The following LPAR1 variants were observed in gnomAD, a reference collection of about 807,000 sequenced individuals.
The protein encoded by LPAR1 is lysophosphatidic acid receptor 1, also known as LPA receptor 1.
Under a neutral mutation model 23.8 loss-of-function variants are expected in LPAR1, and 5 were observed. That is an observed-to-expected ratio of 0.21 (90% CI 0.11 to 0.44). The LOEUF (loss-of-function observed/expected upper bound fraction) is 0.44. Among genes scored for constraint, LPAR1 ranks in the 20% least tolerant of loss-of-function variants. LPAR1 has a pLI of 0.99. For synonymous variants in LPAR1, 160 were observed against 164.7 expected (o/e 0.97, Z 0.22); for missense variants, 311 against 482.8 (o/e 0.64, Z 3.33).
At position 110,893,832 on chromosome 9, in the gene LPAR1, C is replaced by T. The variant is rs79712564; in HGVS notation, c.794-18110G>A. Reference sequence around the variant, plus strand: ...CACATAATCTTCCCACCTGCTTACACGTAGCCTCAGTGTGCTGGCCTGCAT... The same window carrying T: ...CACATAATCTTCCCACCTGCTTACATGTAGCCTCAGTGTGCTGGCCTGCAT... On this transcript the variant is annotated intron_variant, in intron 5 of 5. Coordinates refer to ENST00000683809, the MANE Select transcript of LPAR1 (RefSeq NM_001351411.2). Among the ~76,000 whole-genome samples, 1,286 of 152,208 alleles carry T rather than the reference C, an allele frequency of 8.4e-3. 17 individuals carry two copies. The highest frequency in any genetic ancestry group is 0.029 in the African/African-American group (1,211 of 41,504).
At chr9:110,891,028 A>T (rs1270891810) in intron 5 of LPAR1, among the ~76,000 whole-genome samples, 1 of 152,254 alleles carries the variant, frequency 6.6e-6, no homozygotes, top group Non-Finnish European at 1.5e-5. Context: ...ATAAGGGATA[A>T]GAAAAGGATA....
At chr9:110,981,951 G>A (rs369360546) in intron 2 of LPAR1, among the ~76,000 whole-genome samples, 4 of 152,060 alleles carry the variant, frequency 2.6e-5, no homozygotes, top group Admixed American at 6.6e-5. Flanking sequence ...TTAGAATGGC[G>A]AGCATTAAAA....
intron 5 of LPAR1, among the ~76,000 whole-genome samples, chr9:110,933,750 G>A (rs936757760): frequency 1.3e-5 from 2 of 152,088 alleles, no homozygotes; most frequent in East Asian, 1.9e-4. Context: ...CAAGAGTCTC[G>A]GCCAGACAAG....
chr9:110,882,298 A>T (rs1384756850), intron 5 of LPAR1, among the ~76,000 whole-genome samples: 2 of 152,234 alleles, frequency 1.3e-5, no homozygotes, highest in Non-Finnish European at 2.9e-5. Flanking sequence ...TCTGGAATCT[A>T]GAATATTGCC....
At chr9:110,921,581 G>A (rs1312716498) in intron 5 of LPAR1, among the ~76,000 whole-genome samples, 1 of 152,166 alleles carries the variant, frequency 6.6e-6, no homozygotes, top group Non-Finnish European at 1.5e-5. Flanking sequence ...AGAGTAAGTA[G>A]TAAACCTATG....
chr9:110,997,320 G>A (rs1441977784), intron 2 of LPAR1, among the ~76,000 whole-genome samples: 3 of 152,150 alleles, frequency 2.0e-5, no homozygotes, highest in African/African-American at 4.8e-5. Context: ...ATTAAAGTAA[G>A]CAAGGGAAAT....
chr9:110,937,306 C>T (rs947518139), intron 5 of LPAR1, among the ~76,000 whole-genome samples: 1 of 152,178 alleles, frequency 6.6e-6, no homozygotes, highest in Admixed American at 6.5e-5. Context: ...AATGTTATAA[C>T]TAAATACAGC....
At chr9:111,001,261 C>G (rs1004099554) in intron 2 of LPAR1, among the ~76,000 whole-genome samples, 1 of 152,070 alleles carries the variant, frequency 6.6e-6, no homozygotes. Context: ...AATTCAAAGT[C>G]CAAGGAAGTC....
chr9:110,902,473 TGAA>T (rs1320342095), intron 5 of LPAR1, among the ~76,000 whole-genome samples: 2 of 152,080 alleles, frequency 1.3e-5, no homozygotes, highest in Non-Finnish European at 2.9e-5. Flanking sequence ...TGCTGCCTTG[TGAA>T]GAAGGACGTG....
At position 110,914,500 on chromosome 9, in the gene LPAR1, AG is replaced by A. The variant is rs2092838241; in HGVS notation, c.793+26920del. On this transcript the variant is annotated intron_variant, in intron 5 of 5. Coordinates refer to ENST00000683809, the MANE Select transcript of LPAR1 (RefSeq NM_001351411.2). ...CCCCATGATTCAATTAACTCCCACC[AG>A]GTCCCTCCCACAACACATGGGAATT... Among the ~76,000 whole-genome samples the A allele has an allele frequency of 2.0e-5, 3 of 152,344 alleles. No individual in the cohort carries two copies. The South Asian group carries it at 6.2e-4, about 32-fold the overall frequency.
At chr9:110,942,203 A>T in intron 4 of LPAR1, 35 bp from the exon 5 acceptor site, 1 of 1,563,894 alleles carries the variant, frequency 6.4e-7, no homozygotes, top group Non-Finnish European at 8.6e-7. Context: ...ATGAAAAAGA[A>T]GGCACAGGTC....
chr9:111,015,990 C>T (rs990276755), intron 2 of LPAR1, among the ~76,000 whole-genome samples: 5 of 151,948 alleles, frequency 3.3e-5, no homozygotes, highest in Non-Finnish European at 7.4e-5. Flanking sequence ...GCTTGTTAAG[C>T]CCCAGCACTT....
rs544452894 is a variant in LPAR1, at chr9:110,994,122, G to A, written c.-181-20564C>T. 2.0e-5 allele frequency among the ~76,000 whole-genome samples: 3 copies of A among 152,254 alleles called. No homozygotes were observed. The South Asian group carries it at 6.2e-4, about 32-fold the overall frequency. ...TCACCAATAATGGAGCAAATCAACAGTGTGTGCCACCTGACAAAATGCAAT... is the reference window on the plus strand; with the variant it reads ...TCACCAATAATGGAGCAAATCAACAATGTGTGCCACCTGACAAAATGCAAT... On this transcript the variant is annotated intron_variant, in intron 2 of 5. Transcript: ENST00000683809.
intron 5 of LPAR1, among the ~76,000 whole-genome samples, chr9:110,937,436 C>T (rs2094795310): frequency 6.6e-6 from 1 of 152,176 alleles, no homozygotes; most frequent in South Asian, 2.1e-4. Flanking sequence ...AATCCCCGTT[C>T]CTATACTTCC....
At chr9:110,957,863 G>A (rs11526379) in intron 4 of LPAR1, among the ~76,000 whole-genome samples, 69,019 of 151,898 alleles carry the variant, frequency 0.45, 15,954 homozygotes, top group East Asian at 0.81. Flanking sequence ...AATCTCCTAC[G>A]TTGGATAAAT....
chr9:110,942,182 G>A lies in LPAR1; in HGVS notation c.46-14C>T. On this transcript the variant is annotated splice_polypyrimidine_tract_variant and intron_variant, in intron 4 of 5. Transcript: ENST00000683809. Reference sequence around the variant, plus strand: ...CATGGCTGTGAACTAAAAGAAAAAGGAGAAAAGATGATGAAAAAGAAGGCA... The same window carrying A: ...CATGGCTGTGAACTAAAAGAAAAAGAAGAAAAGATGATGAAAAAGAAGGCA... 4 of 1,580,982 alleles carry A rather than the reference G, an allele frequency of 2.5e-6. No homozygotes were observed. Among genetic ancestry groups the A allele is most frequent in the Non-Finnish European group, 3.4e-6 (4 of 1,167,338 alleles).
At chr9:110,948,799 T>C (rs1042593865) in intron 4 of LPAR1, among the ~76,000 whole-genome samples, 4 of 152,014 alleles carry the variant, frequency 2.6e-5, no homozygotes, top group African/African-American at 4.8e-5. Context: ...TTTAATACTA[T>C]TGGGAAACAG....
At chr9:111,018,314 T>C (rs1406304076) in intron 2 of LPAR1, among the ~76,000 whole-genome samples, 1 of 152,256 alleles carries the variant, frequency 6.6e-6, no homozygotes, top group African/African-American at 2.4e-5. Flanking sequence ...TATCATTGTT[T>C]TGGAAATCAA....
chr9:111,018,124 T>C (rs1201605558), intron 2 of LPAR1, among the ~76,000 whole-genome samples: 2 of 152,160 alleles, frequency 1.3e-5, no homozygotes. Context: ...AAGACAAAAC[T>C]GTGGATGAGT....
Sources: gnomAD v4.1 joint callset for allele counts (sites outside exome capture counted in the v4.1 genomes callset) on GRCh38, gnomAD v4.1.1 for gene constraint, MANE v1.5 for transcripts, NCBI Gene and HGNC (gene_info 2026-07-23, HGNC 2026-07-21) for gene names.